Variants in NRG3 observed in about 807,000 individuals in gnomAD.
NRG3 encodes the protein pro-neuregulin-3, membrane-bound isoform.
In NRG3, 31 loss-of-function variants were observed where a neutral mutation model predicts 66.9. The observed-to-expected ratio is 0.46, with a 90% CI of 0.35 to 0.63. The LOEUF (loss-of-function observed/expected upper bound fraction) is 0.63. Among genes scored for constraint, NRG3 ranks in the 20% least tolerant of loss-of-function variants. NRG3 has a pLI of 0.00. For missense variants in NRG3, 910 were observed against 878.9 expected (o/e 1.04, Z -0.45); for synonymous variants, 393 against 359.4 (o/e 1.09, Z -1.06).
At chr10:82,557,399 T>A (rs978552246) in intron 2 of NRG3, among the ~76,000 whole-genome samples, 1 of 152,020 alleles carries the variant, frequency 6.6e-6, no homozygotes, top group East Asian at 1.9e-4. Flanking sequence ...GATATTGAGC[T>A]TTTTTTTCAT....
At chr10:82,210,256 G>C (rs903146040) in intron 1 of NRG3, among the ~76,000 whole-genome samples, 1 of 152,132 alleles carries the variant, frequency 6.6e-6, no homozygotes, top group Non-Finnish European at 1.5e-5. Context: ...TCCTCAATGA[G>C]TCTATTTTAA....
intron 2 of NRG3, among the ~76,000 whole-genome samples, chr10:82,492,877 C>A (rs1214385920): frequency 1.3e-5 from 2 of 152,212 alleles, no homozygotes; most frequent in African/African-American, 4.8e-5. Context: ...ATTTTACAGA[C>A]ACAGTTGGCC....
intron 1 of NRG3, among the ~76,000 whole-genome samples, chr10:82,331,276 A>G (rs2082123090): frequency 1.3e-5 from 2 of 152,226 alleles, no homozygotes; most frequent in Non-Finnish European, 2.9e-5. Context: ...AAGTGATTTG[A>G]TAGCTTCCTC....
chr10:82,267,589 A>G (rs2078365281), intron 1 of NRG3, among the ~76,000 whole-genome samples: 2 of 152,188 alleles, frequency 1.3e-5, no homozygotes, highest in Non-Finnish European at 2.9e-5. Context: ...CACATTCTTC[A>G]TAGCTGAGAA....
At chr10:82,323,209 C>G (rs1274768598) in intron 1 of NRG3, among the ~76,000 whole-genome samples, 2 of 152,146 alleles carry the variant, frequency 1.3e-5, no homozygotes, top group Non-Finnish European at 2.9e-5. Context: ...TTCATCCAAA[C>G]ATGTGTACAC....
At chr10:82,390,259 C>T (rs2086265096) in intron 2 of NRG3, among the ~76,000 whole-genome samples, 1 of 152,076 alleles carries the variant, frequency 6.6e-6, no homozygotes, top group Admixed American at 6.6e-5. Flanking sequence ...AATGGCATTT[C>T]CCTATGTCAC....
chr10:82,683,189 T>G (rs1300334560), intron 2 of NRG3, among the ~76,000 whole-genome samples: 1 of 151,912 alleles, frequency 6.6e-6, no homozygotes, highest in Admixed American at 6.6e-5. Flanking sequence ...CGATCTGACC[T>G]CGTGATCCAC....
At chr10:82,284,256 T>A (rs1359813414) in intron 1 of NRG3, among the ~76,000 whole-genome samples, 1 of 152,218 alleles carries the variant, frequency 6.6e-6, no homozygotes, top group East Asian at 1.9e-4. Context: ...GATGGAGAGT[T>A]TAATTGTTCC....
At chr10:82,908,425 A>G (rs920063242) in intron 4 of NRG3, among the ~76,000 whole-genome samples, 2 of 152,206 alleles carry the variant, frequency 1.3e-5, no homozygotes, top group Non-Finnish European at 2.9e-5. Context: ...TGAGCAGAAG[A>G]TACACTGAGA....
At chr10:82,089,721 A>G (rs1235054975) in intron 1 of NRG3, among the ~76,000 whole-genome samples, 1 of 152,196 alleles carries the variant, frequency 6.6e-6, no homozygotes, top group Non-Finnish European at 1.5e-5. Context: ...AACTGATTCC[A>G]TACCTTATTG....
At position 82,478,818 on chromosome 10, in the gene NRG3, C is replaced by T. The variant is rs570049638; in HGVS notation, c.953+119950C>T. Among the ~76,000 whole-genome samples the T allele has an allele frequency of 1.3e-4, 20 of 152,316 alleles. No individual in the cohort carries two copies. The South Asian group carries it at 4.1e-3, about 32-fold the overall frequency. On this transcript the variant is annotated intron_variant, in intron 2 of 8. Coordinates refer to ENST00000372141, the MANE Select transcript of NRG3 (RefSeq NM_001010848.4). ...CTTGGAAATAATTAAAAACAATAGA[C>T]AAGAACCTGCTAATCTTTTATGGTA...
At chr10:82,379,259 C>T (rs2085456174) in intron 2 of NRG3, among the ~76,000 whole-genome samples, 1 of 152,146 alleles carries the variant, frequency 6.6e-6, no homozygotes, top group Admixed American at 6.5e-5. Flanking sequence ...GACTGCAAGT[C>T]TAACGAAGTC....
chr10:82,485,503 G>A (rs776540492), intron 2 of NRG3, among the ~76,000 whole-genome samples: 127 of 149,062 alleles, frequency 8.5e-4, no homozygotes, highest in Non-Finnish European at 1.1e-3. Context: ...TAGGATTTTC[G>A]AAGGGTAATC....
At chr10:82,148,092 G>A (rs988852249) in intron 1 of NRG3, among the ~76,000 whole-genome samples, 1 of 152,166 alleles carries the variant, frequency 6.6e-6, no homozygotes, top group Non-Finnish European at 1.5e-5. Context: ...GACATATACA[G>A]TGCTGTGTTG....
At chr10:82,774,074 T>C (rs140170656) in intron 3 of NRG3, among the ~76,000 whole-genome samples, 1 of 152,332 alleles carries the variant, frequency 6.6e-6, no homozygotes, top group Non-Finnish European at 1.5e-5. Flanking sequence ...ATGTATAATT[T>C]TTTTGACGTG....
chr10:82,368,912 G>C (rs1478692918), intron 2 of NRG3, among the ~76,000 whole-genome samples: 1 of 138,388 alleles, frequency 7.2e-6, no homozygotes, highest in Non-Finnish European at 1.5e-5. Context: ...ACAGGATAAA[G>C]ATGGCTCAGC....
intron 1 of NRG3, among the ~76,000 whole-genome samples, chr10:81,893,218 T>G (rs2132577852): frequency 6.6e-6 from 1 of 152,274 alleles, no homozygotes; most frequent in South Asian, 2.1e-4. Context: ...GAATATGTAT[T>G]TGCAAAATGA....
At chr10:82,211,219 T>C (rs1302159993) in intron 1 of NRG3, among the ~76,000 whole-genome samples, 2 of 152,190 alleles carry the variant, frequency 1.3e-5, no homozygotes, top group Non-Finnish European at 2.9e-5. Flanking sequence ...GGAGGACTTA[T>C]GAGCATTTCT....
chr10:82,455,327 C>T (rs2091219197), intron 2 of NRG3, among the ~76,000 whole-genome samples: 1 of 152,214 alleles, frequency 6.6e-6, no homozygotes, highest in South Asian at 2.1e-4. Flanking sequence ...ATTGTATGGC[C>T]TGCTGTTCTT....
Sources: allele counts gnomAD v4.1 joint callset (sites outside exome capture counted in the v4.1 genomes callset), GRCh38; gene constraint gnomAD v4.1.1; transcripts MANE v1.5; gene names NCBI Gene and HGNC (gene_info 2026-07-23, HGNC 2026-07-21).